The following VIL1 variants were observed in gnomAD, a reference collection of about 807,000 sequenced individuals.
VIL1 encodes the protein villin 1.
VIL1 carries 86 observed loss-of-function variants against 104.0 expected under a neutral mutation model. That is an observed-to-expected ratio of 0.83 (90% CI 0.69 to 0.99). The LOEUF is 0.99. Ranked by LOEUF, VIL1 falls within the 50% of genes least tolerant of loss-of-function variation. The probability of loss-of-function intolerance (pLI) is 0.00; values close to 1 mark genes in which losing one functional copy is unlikely to be tolerated. For synonymous variants in VIL1, 394 were observed against 412.6 expected, an observed-to-expected ratio of 0.95 and a Z score of 0.55; for missense variants, 944 against 1,054.1, an observed-to-expected ratio of 0.90 and a Z score of 1.45.
intron 19 of VIL1, among the ~76,000 whole-genome samples, chr2:218,444,797 C>T (rs906241864): frequency 3.3e-5 from 5 of 152,084 alleles, no homozygotes; most frequent in South Asian, 2.1e-4. Flanking sequence ...AACAGGGAGG[C>T]GGATGTAGGC....
At chr2:218,446,787 A>G (rs2106398267) in intron 19 of VIL1, among the ~76,000 whole-genome samples, 1 of 118,496 alleles carries the variant, frequency 8.4e-6, no homozygotes, top group East Asian at 2.3e-4. Flanking sequence ...TTTTTGAGAC[A>G]GAGTCCCGCT....
intron 18 of VIL1, among the ~76,000 whole-genome samples, chr2:218,439,896 T>C (rs1689259688): frequency 1.3e-5 from 2 of 150,148 alleles, no homozygotes; most frequent in South Asian, 4.2e-4. Context: ...CACGGGAATA[T>C]GAAATCAAAA....
chr2:218,433,069 G>C, intron 13 of VIL1, 118 bp downstream of exon 13: 1 of 1,265,132 alleles, frequency 7.9e-7, no homozygotes, highest in Non-Finnish European at 1.1e-6. Context: ...ATTCTTCATA[G>C]GAGACTACCC....
At chr2:218,431,528 A>G (rs547181552) in intron 10 of VIL1, among the ~76,000 whole-genome samples, 3 of 152,172 alleles carry the variant, frequency 2.0e-5, no homozygotes, top group Admixed American at 6.5e-5. Context: ...AGCCCCCAAC[A>G]TTGCACAGCT....
At chr2:218,435,549 C>A in intron 15 of VIL1, 115 bp downstream of exon 15, 1 of 1,391,218 alleles carries the variant, frequency 7.2e-7, no homozygotes, top group Non-Finnish European at 9.6e-7. Flanking sequence ...GTGTGTCAGG[C>A]ACTGTGCCAG....
At chr2:218,439,383 C>T (rs1356385628) in intron 18 of VIL1, among the ~76,000 whole-genome samples, 1 of 152,094 alleles carries the variant, frequency 6.6e-6, no homozygotes, top group Non-Finnish European at 1.5e-5. Flanking sequence ...TCTTTTAAAT[C>T]TTATTTTAAA....
chr2:218,444,485 A>T (rs1036118844), intron 19 of VIL1, among the ~76,000 whole-genome samples: 1 of 150,844 alleles, frequency 6.6e-6, no homozygotes, highest in Non-Finnish European at 1.5e-5. Context: ...TCACTGTGTT[A>T]GCCAGGATGG....
At position 218,434,638 on chromosome 2, in the gene VIL1, A is replaced by G. The variant is rs201853142; in HGVS notation, c.1613A>G (p.Asn538Ser). The part of the protein sequence containing the change: ...TKAFEVPARA[N>S]FLNSNDVFVL... ...GCCTTTGAGGTCCCAGCGCGGGCCA[A>G]TTTCCTCAATTCCAATGATGTCTTT... Residue 538 changes from asparagine to serine, a missense_variant, in exon 14 of 20, where the codon AAT becomes AGT. Coordinates refer to ENST00000248444, the MANE Select transcript of VIL1 (RefSeq NM_007127.3). 266 of 1,614,100 alleles carry G rather than the reference A, an allele frequency of 1.6e-4. No homozygotes were observed. The highest frequency in any genetic ancestry group is 5.1e-4 in the East Asian group (23 of 44,874).
rs1016269254 is a variant in VIL1 at position 218,425,600 on chromosome 2, A to G, written c.151-15A>G. 1.9e-6 allele frequency: 3 copies of G among 1,613,478 alleles called. No individual in the cohort carries two copies. The highest frequency in any genetic ancestry group is 1.3e-5 in the African/African-American group (1 of 75,022). ...GAGCCCAGGGTCTCGGGTACACTGG[A>G]CACCTTTTCCCTAGATCCACAAGAC... On this transcript the variant is annotated splice_polypyrimidine_tract_variant and intron_variant, in intron 3 of 19. Coordinates refer to ENST00000248444, the MANE Select transcript of VIL1 (RefSeq NM_007127.3).
intron 17 of VIL1, among the ~76,000 whole-genome samples, chr2:218,437,654 C>T (rs535122625): frequency 3.9e-5 from 6 of 152,368 alleles, no homozygotes; most frequent in Non-Finnish European, 8.8e-5. Context: ...CAGCTGGCTA[C>T]TGTGTTGGGC....
In VIL1 at chr2:218,431,852, T is replaced by C; in HGVS notation, c.1103-5T>C. 3 of 1,612,130 alleles carry C rather than the reference T, an allele frequency of 1.9e-6. No individual in the cohort carries two copies. Among genetic ancestry groups the C allele is most frequent in the Non-Finnish European group, 2.5e-6 (3 of 1,179,300 alleles). On this transcript the variant is annotated splice_polypyrimidine_tract_variant and splice_region_variant and intron_variant, in intron 10 of 19. Transcript: ENST00000248444. ...CAGTTGGTTTCATGATTTCCCCCAC[T>C]CTAGCCAAAGTGGAACAGGTGAAGT...
chr2:218,440,247 T>G (rs1381834487), intron 18 of VIL1, among the ~76,000 whole-genome samples: 1 of 152,170 alleles, frequency 6.6e-6, no homozygotes, highest in African/African-American at 2.4e-5. Context: ...TGGACTTCGG[T>G]CAGAACAGAC....
chr2:218,438,201 G>A (rs1015671511), intron 17 of VIL1, among the ~76,000 whole-genome samples: 3 of 152,102 alleles, frequency 2.0e-5, no homozygotes, highest in Non-Finnish European at 4.4e-5. Context: ...GCATAAGTGT[G>A]CTCTAGGATA....
Position 218,449,255 on chromosome 2 carries a change from C to A in VIL1, c.2403C>A (p.Ala801=), listed in dbSNP as rs761489421. ...TGTCCATTGAAGATTTCACTCAGGC[C>A]TTTGGGATGACTCCAGCTGCCTTCT... is the stretch of plus-strand genomic sequence containing the variant. ...EHLSIEDFTQ[A]FGMTPAAFSA... Residue 801 remains alanine, a synonymous_variant, in exon 20 of 20, where the codon GCC becomes GCA. Coordinates refer to ENST00000248444, the MANE Select transcript of VIL1 (RefSeq NM_007127.3). The A allele has an allele frequency of 6.2e-7, 1 of 1,613,912 alleles. No individual in the cohort carries two copies.
At chr2:218,420,456 A>G (rs1460765614) in intron 1 of VIL1, among the ~76,000 whole-genome samples, 2 of 151,246 alleles carry the variant, frequency 1.3e-5, no homozygotes, top group Non-Finnish European at 1.5e-5. Flanking sequence ...AAGAAAAGAA[A>G]AAAAGAAAAA....
At chr2:218,435,575 A>G (rs1018573219) in intron 15 of VIL1, 141 bp downstream of exon 15, 62 of 1,200,678 alleles carry the variant, frequency 5.2e-5, no homozygotes, top group Non-Finnish European at 6.8e-5. Flanking sequence ...CAGGGCTACA[A>G]GATGAATAAA....
intron 15 of VIL1, among the ~76,000 whole-genome samples, 166 bp downstream of exon 15, chr2:218,435,600 C>G (rs1689176296): frequency 6.6e-6 from 1 of 152,220 alleles, no homozygotes; most frequent in Non-Finnish European, 1.5e-5. Flanking sequence ...AGCCCATACC[C>G]TTGGAGCCTC....
In VIL1 at chr2:218,432,844, A is replaced by G. The variant is rs1250834136; in HGVS notation, c.1393A>G (p.Ile465Val). ...EITASAYQAV[I>V]LDQKYNGEPV... ...TACAGCATCAGCTTATCAAGCCGTC[A>G]TCCTGGACCAGAAGTACAATGGTGA... is the stretch of plus-strand genomic sequence containing the variant. Residue 465 changes from isoleucine to valine, a missense_variant, in exon 13 of 20, where the codon ATC becomes GTC. By Grantham distance (29) the Ile-to-Val change is conservative (BLOSUM62 3). Coordinates refer to ENST00000248444, the MANE Select transcript of VIL1 (RefSeq NM_007127.3). 1 of 1,614,240 alleles carries G rather than the reference A, an allele frequency of 6.2e-7. No individual in the cohort carries two copies.
intron 12 of VIL1, 106 bp from the exon 13 acceptor site, chr2:218,432,686 GT>G: frequency 6.9e-7 from 1 of 1,446,566 alleles, no homozygotes. Flanking sequence ...AGACAATTGG[GT>G]TTAGGACCAG....
Sources: allele counts gnomAD v4.1 joint callset (sites outside exome capture counted in the v4.1 genomes callset), GRCh38; gene constraint gnomAD v4.1.1; transcripts MANE v1.5; gene names NCBI Gene and HGNC (gene_info 2026-07-23, HGNC 2026-07-21).